ERI3: variants seen among roughly 807,000 people sequenced by gnomAD.
ERI3 encodes ERI1 exoribonuclease 3.
In ERI3, 18 loss-of-function variants were observed where a neutral mutation model predicts 44.4. The observed-to-expected ratio is 0.41, with a 90% CI of 0.28 to 0.60. ERI3 has a LOEUF of 0.60. ERI3 is among the 20% of genes least tolerant of loss of function. The pLI, the probability that ERI3 is intolerant of heterozygous loss-of-function variation, is 0.36. For missense variants in ERI3, 294 were observed against 435.5 expected (o/e 0.68, Z 2.89); for synonymous variants, 183 against 164.8 (o/e 1.11, Z -0.84).
intron 8 of ERI3, among the ~76,000 whole-genome samples, chr1:44,222,017 GC>G (rs1643911664): frequency 6.6e-6 from 1 of 152,262 alleles, no homozygotes; most frequent in African/African-American, 2.4e-5. Context: ...CGTGGGGACG[GC>G]CCGTCCGCCA....
Position 44,293,853 on chromosome 1 carries a change from A to T in ERI3, c.759-8946T>A, listed in dbSNP as rs539214887. ...CTGCCCTTCCCCTCCACTTCCCCCTACTGGTACACACGCACCTCTGGCCTG... is the reference window on the plus strand; with the variant it reads ...CTGCCCTTCCCCTCCACTTCCCCCTTCTGGTACACACGCACCTCTGGCCTG... On this transcript the variant is annotated intron_variant, in intron 6 of 8. Coordinates refer to ENST00000372257, the MANE Select transcript of ERI3 (RefSeq NM_024066.3). Among the ~76,000 whole-genome samples the T allele has an allele frequency of 3.2e-4, 49 of 151,958 alleles. 1 individual carries two copies. In the South Asian group the frequency reaches 9.8e-3, roughly 30 times the overall value.
At position 44,289,342 on chromosome 1, in the gene ERI3, G is replaced by A. The variant is rs141015163; in HGVS notation, c.759-4435C>T. Reference sequence around the variant, plus strand: ...GGGTCTAAGGCCAGAAAGGGGGTCCGCCCTTGGCATTTATCATATGATCCT... The same window carrying A: ...GGGTCTAAGGCCAGAAAGGGGGTCCACCCTTGGCATTTATCATATGATCCT... On this transcript the variant is annotated intron_variant, in intron 6 of 8. Transcript: ENST00000372257. Among the ~76,000 whole-genome samples the A allele has an allele frequency of 2.8e-3, 425 of 152,248 alleles. 2 individuals are homozygous for A. Among genetic ancestry groups the A allele is most frequent in the African/African-American group, 6.9e-3 (288 of 41,556 alleles).
At chr1:44,317,869 A>G (rs1646123553) in intron 4 of ERI3, among the ~76,000 whole-genome samples, 1 of 152,082 alleles carries the variant, frequency 6.6e-6, no homozygotes, top group African/African-American at 2.4e-5. Flanking sequence ...AAGCAGAGAG[A>G]TATGAGGCTG....
chr1:44,347,348 G>A (rs777645799), intron 2 of ERI3, among the ~76,000 whole-genome samples: 3 of 152,098 alleles, frequency 2.0e-5, no homozygotes, highest in East Asian at 3.8e-4. Flanking sequence ...CAAGGAACTC[G>A]AAGTCTCTTC....
At position 44,281,601 on chromosome 1, in the gene ERI3, A is replaced by AAATAT. The variant is rs1460400186; in HGVS notation, c.831+3233_831+3234insATATT. Among the ~76,000 whole-genome samples the AAATAT allele has an allele frequency of 9.2e-3, 1,171 of 127,974 alleles. 34 individuals carry two copies. The highest frequency in any genetic ancestry group is 0.036 in the African/African-American group (1,087 of 29,982). 84.0% of individuals were successfully genotyped at this position (127,974 alleles called of 152,430 possible). ...AGACCCCGTCTCGAAAAAAAAAAAA[A>AAATAT]ATATATATATATATATATAATATAT... is the stretch of plus-strand genomic sequence containing the variant. On this transcript the variant is annotated intron_variant, in intron 7 of 8. Coordinates refer to ENST00000372257, the MANE Select transcript of ERI3 (RefSeq NM_024066.3).
At chr1:44,237,828 C>G (rs891948551) in intron 8 of ERI3, among the ~76,000 whole-genome samples, 2 of 152,214 alleles carry the variant, frequency 1.3e-5, no homozygotes, top group African/African-American at 4.8e-5. Context: ...AGGCATCCAT[C>G]AGGGGCTCCC....
chr1:44,243,163 G>C (rs1644479263), intron 8 of ERI3, among the ~76,000 whole-genome samples: 1 of 152,222 alleles, frequency 6.6e-6, no homozygotes, highest in African/African-American at 2.4e-5. Flanking sequence ...TGCCAGCCCA[G>C]CTCTCTTGCC....
chr1:44,317,141 C>CCCATGTGT, intron 4 of ERI3, among the ~76,000 whole-genome samples: 1 of 100,802 alleles, frequency 9.9e-6, no homozygotes, highest in African/African-American at 4.0e-5. Flanking sequence ...TACGCATGTG[C>CCCATGTGT]GTGCACACAC....
intron 8 of ERI3, among the ~76,000 whole-genome samples, chr1:44,247,272 C>T (rs867471711): frequency 1.1e-4 from 16 of 152,114 alleles, no homozygotes; most frequent in African/African-American, 3.4e-4. Context: ...AGACAGATAA[C>T]ATATTCATAC....
intron 7 of ERI3, among the ~76,000 whole-genome samples, chr1:44,282,868 G>A (rs1032314370): frequency 2.6e-5 from 4 of 152,182 alleles, no homozygotes; most frequent in Non-Finnish European, 5.9e-5. Flanking sequence ...ACAGTCTGCA[G>A]GGGAACCAAA....
chr1:44,308,442 T>G, intron 5 of ERI3, 41 bp from the exon 6 acceptor site: 2 of 1,544,356 alleles, frequency 1.3e-6, no homozygotes, highest in Non-Finnish European at 1.8e-6. Context: ...TCCTTTTTTT[T>G]CCCTGAGCCT....
Position 44,308,368 on chromosome 1 carries a change from A to G in ERI3, c.700T>C (p.Leu234=), listed in dbSNP as rs377092061. ...AAAATTGACTTGACGTTTGGATCTA[A>G]GAGGCCTTCCTTCGCCATCCATTCA... ...VDEWMAKEGL[L]DPNVKSIFVT... is the part of the protein sequence containing the mutation. The change falls in exon 6 of 9, where the codon TTA becomes CTA. Residue 234 remains leucine (L), a synonymous_variant. Transcript: ENST00000372257. 1 of 1,614,120 alleles carries G rather than the reference A, an allele frequency of 6.2e-7. No homozygotes were observed. The highest frequency in any genetic ancestry group is 1.3e-5 in the African/African-American group (1 of 74,952).
intron 7 of ERI3, among the ~76,000 whole-genome samples, chr1:44,282,651 A>G (rs1489843701): frequency 1.3e-5 from 2 of 152,202 alleles, no homozygotes; most frequent in East Asian, 3.9e-4. Flanking sequence ...GGACTGAGCT[A>G]AAGTCCAGAG....
intron 7 of ERI3, among the ~76,000 whole-genome samples, chr1:44,268,691 A>G (rs1432221712): frequency 6.6e-6 from 1 of 152,194 alleles, no homozygotes; most frequent in African/African-American, 2.4e-5. Flanking sequence ...GCACGGTCAC[A>G]TATGAATGTG....
Position 44,241,177 on chromosome 1 carries a change from C to CT in ERI3, c.931+6761dup, listed in dbSNP as rs1644425438. Among the ~76,000 whole-genome samples, 1 of 152,160 alleles carries CT rather than the reference C, an allele frequency of 6.6e-6. No homozygotes were observed. The highest frequency in any genetic ancestry group is 2.4e-5 in the African/African-American group (1 of 41,428). ...TCTGGGCCCTGACATTGTCTCTCAC[C>CT]TTAAACCAGTGGTAATGACTTGCAA... On this transcript the variant is annotated intron_variant, in intron 8 of 8. Coordinates refer to ENST00000372257, the MANE Select transcript of ERI3 (RefSeq NM_024066.3). This position sits in a 1 kb window ranked among gnomAD's most constrained non-coding sequence, Gnocchi z 5.6.
intron 7 of ERI3, among the ~76,000 whole-genome samples, chr1:44,250,049 G>C (rs1460573745): frequency 6.6e-6 from 1 of 152,160 alleles, no homozygotes; most frequent in Non-Finnish European, 1.5e-5. Flanking sequence ...TTTAAGTGAT[G>C]TCGGGGAGAA....
At chr1:44,353,298 A>AG (rs1646934303) in intron 1 of ERI3, 1 of 985,298 alleles carries the variant, frequency 1.0e-6, no homozygotes, top group South Asian at 4.7e-5. Flanking sequence ...GGACTGGGGT[A>AG]GGGGTTGGTT....
chr1:44,310,963 G>GCGCGCGCGCGCGCGCACGCACA (rs1373873768), intron 5 of ERI3, among the ~76,000 whole-genome samples: 1 of 123,202 alleles, frequency 8.1e-6, no homozygotes, highest in Non-Finnish European at 1.7e-5. Context: ...GCGCGCGCGC[G>GCGCGCGCGCGCGCGCACGCACA]CACACACACA....
At chr1:44,234,220 A>G (rs575798995) in intron 8 of ERI3, among the ~76,000 whole-genome samples, 6 of 150,080 alleles carry the variant, frequency 4.0e-5, no homozygotes, top group Admixed American at 1.3e-4. Flanking sequence ...TAATTACCAT[A>G]TATTTTTCAA....
Sources: allele counts gnomAD v4.1 joint callset (sites outside exome capture counted in the v4.1 genomes callset), GRCh38; gene constraint gnomAD v4.1.1; non-coding constraint Gnocchi (gnomAD v3.1); transcripts MANE v1.5; gene names NCBI Gene and HGNC (gene_info 2026-07-23, HGNC 2026-07-21).